CNTN5: variants seen among roughly 807,000 people sequenced by gnomAD.
CNTN5 encodes the protein contactin 5.
A neutral mutation model predicts 129.1 loss-of-function variants in CNTN5; 77 were observed. The observed-to-expected ratio is 0.60, with a 90% CI of 0.50 to 0.72. The LOEUF (loss-of-function observed/expected upper bound fraction) is 0.72. Ranked by LOEUF, CNTN5 falls within the 30% of genes least tolerant of loss-of-function variation. CNTN5 has a pLI of 0.00. For missense variants in CNTN5, 1,478 were observed against 1,328.8 expected, an observed-to-expected ratio of 1.11 and a Z score of -1.75; for synonymous variants, 509 against 465.6, an observed-to-expected ratio of 1.09 and a Z score of -1.20.
Position 100,271,083 on chromosome 11 carries a change from T to A in CNTN5, c.2165-9T>A. On this transcript the variant is annotated splice_polypyrimidine_tract_variant and intron_variant, in intron 17 of 24. Coordinates refer to ENST00000524871, the MANE Select transcript of CNTN5 (RefSeq NM_014361.4). The stretch of plus-strand genomic sequence containing the variant: ...TCATAATGACATGAAATTTCCTTCC[T>A]TTCTATAGTCCCAGAAATCATAACA... 6.3e-7 allele frequency: 1 copy of A among 1,587,852 alleles called. No homozygotes were observed. Among genetic ancestry groups the A allele is most frequent in the East Asian group, 2.2e-5 (1 of 44,534 alleles).
At chr11:99,737,421 C>T (rs1943747751) in intron 3 of CNTN5, among the ~76,000 whole-genome samples, 1 of 151,996 alleles carries the variant, frequency 6.6e-6, no homozygotes, top group Non-Finnish European at 1.5e-5. Flanking sequence ...TCTTTCTGAC[C>T]AGTGAATTAA....
At chr11:100,228,776 T>A (rs1382263146) in intron 16 of CNTN5, among the ~76,000 whole-genome samples, 1 of 152,130 alleles carries the variant, frequency 6.6e-6, no homozygotes, top group African/African-American at 2.4e-5. Context: ...TCCTCCAGTG[T>A]GAGATGCCTT....
chr11:99,314,193 T>G (rs1865238078), intron 1 of CNTN5, among the ~76,000 whole-genome samples: 1 of 151,972 alleles, frequency 6.6e-6, no homozygotes, highest in Non-Finnish European at 1.5e-5. Context: ...ATATAAAAAA[T>G]TATGCCATGT....
chr11:99,314,585 C>T (rs1591510314), intron 1 of CNTN5, among the ~76,000 whole-genome samples: 1 of 151,858 alleles, frequency 6.6e-6, no homozygotes, highest in Admixed American at 6.6e-5. Flanking sequence ...GTGAAACCAC[C>T]GGATTGAAAG....
At chr11:99,562,094 G>C (rs1948862347) in intron 3 of CNTN5, among the ~76,000 whole-genome samples, 1 of 152,144 alleles carries the variant, frequency 6.6e-6, no homozygotes, top group South Asian at 2.1e-4. Flanking sequence ...GTTTGTAAGA[G>C]TGTCTCTCTC....
chr11:99,619,261 A>G lies in CNTN5; in HGVS notation c.55+62992A>G, dbSNP rs539818432. Among the ~76,000 whole-genome samples, 29 of 152,146 alleles carry G rather than the reference A, an allele frequency of 1.9e-4. No individual in the cohort carries two copies. In the South Asian group the frequency reaches 5.6e-3, roughly 29 times the overall value. On this transcript the variant is annotated intron_variant, in intron 3 of 24. Coordinates refer to ENST00000524871, the MANE Select transcript of CNTN5 (RefSeq NM_014361.4). ...CTAAAATATTTCTAATTGGAGATCA[A>G]TAGAGCCTATATTAAATTCTAAATT...
At chr11:99,946,481 T>G (rs2136131014) in intron 7 of CNTN5, among the ~76,000 whole-genome samples, 1 of 152,190 alleles carries the variant, frequency 6.6e-6, no homozygotes, top group East Asian at 1.9e-4. Context: ...ATAGTCAATC[T>G]CTGCTGTATC....
chr11:99,116,503 C>T (rs1858051597), intron 1 of CNTN5, among the ~76,000 whole-genome samples: 1 of 152,020 alleles, frequency 6.6e-6, no homozygotes, highest in Admixed American at 6.6e-5. Flanking sequence ...TGTTGATTTC[C>T]TATTCTCAGG....
chr11:99,862,120 A>G (rs1294832166), intron 6 of CNTN5, among the ~76,000 whole-genome samples: 1 of 152,184 alleles, frequency 6.6e-6, no homozygotes, highest in East Asian at 1.9e-4. Flanking sequence ...TTAAATACAA[A>G]ACATACAAAT....
intron 1 of CNTN5, among the ~76,000 whole-genome samples, chr11:99,036,164 G>A (rs1490635682): frequency 6.6e-6 from 1 of 151,996 alleles, no homozygotes; most frequent in Non-Finnish European, 1.5e-5. Context: ...GTATCGAAAT[G>A]CCAGCTATTC....
intron 1 of CNTN5, among the ~76,000 whole-genome samples, chr11:99,262,768 A>G (rs1862702013): frequency 6.6e-6 from 1 of 151,950 alleles, no homozygotes; most frequent in South Asian, 2.1e-4. Flanking sequence ...CGTTAAATTG[A>G]ATTCTTTTAT....
At chr11:99,284,399 T>C (rs1009628127) in intron 1 of CNTN5, among the ~76,000 whole-genome samples, 5 of 152,164 alleles carry the variant, frequency 3.3e-5, no homozygotes, top group African/African-American at 1.2e-4. Flanking sequence ...TTTTCTGTTA[T>C]GCTAATTAAA....
chr11:99,629,071 C>T lies in CNTN5; in HGVS notation c.55+72802C>T, dbSNP rs938325786. ...CCTGAAATTTGCCTTACTAAATACT[C>T]ACAGAAAAAACAATAAATATGTTGG... On this transcript the variant is annotated intron_variant, in intron 3 of 24. Coordinates refer to ENST00000524871, the MANE Select transcript of CNTN5 (RefSeq NM_014361.4). 4.6e-5 allele frequency among the ~76,000 whole-genome samples: 7 copies of T among 151,894 alleles called. No individual in the cohort carries two copies. In the East Asian group the frequency reaches 1.4e-3, roughly 29 times the overall value.
At chr11:99,310,876 T>G (rs1865083678) in intron 1 of CNTN5, among the ~76,000 whole-genome samples, 1 of 152,210 alleles carries the variant, frequency 6.6e-6, no homozygotes, top group Non-Finnish European at 1.5e-5. Flanking sequence ...TCTATTAAGA[T>G]GAGCATATAC....
chr11:99,445,108 ATATT>A (rs1387670987), intron 2 of CNTN5, among the ~76,000 whole-genome samples: 1 of 148,618 alleles, frequency 6.7e-6, no homozygotes, highest in African/African-American at 2.4e-5. Flanking sequence ...TTATATATGT[ATATT>A]TATATGCATG....
chr11:99,820,679 T>G (rs573927582), intron 4 of CNTN5, among the ~76,000 whole-genome samples: 9 of 146,242 alleles, frequency 6.2e-5, no homozygotes, highest in African/African-American at 2.3e-4. Flanking sequence ...GAAGTAGATA[T>G]TGTTACTGCC....
At chr11:99,310,473 C>G (rs943076176) in intron 1 of CNTN5, among the ~76,000 whole-genome samples, 1 of 152,048 alleles carries the variant, frequency 6.6e-6, no homozygotes, top group Admixed American at 6.6e-5. Flanking sequence ...TTAATTATTA[C>G]GTTGGTAAAA....
At chr11:99,708,441 T>G (rs1954841834) in intron 3 of CNTN5, among the ~76,000 whole-genome samples, 1 of 151,756 alleles carries the variant, frequency 6.6e-6, no homozygotes, top group South Asian at 2.1e-4. Flanking sequence ...TCAGTCAACA[T>G]GAAACTGGAA....
intron 20 of CNTN5, among the ~76,000 whole-genome samples, chr11:100,303,031 C>G (rs916361851): frequency 6.6e-6 from 1 of 151,502 alleles, no homozygotes; most frequent in African/African-American, 2.4e-5. Flanking sequence ...TGCTAACACC[C>G]GTAAGCCTTT....
Sources: allele counts gnomAD v4.1 joint callset (sites outside exome capture counted in the v4.1 genomes callset), GRCh38; gene constraint gnomAD v4.1.1; transcripts MANE v1.5; gene names NCBI Gene and HGNC (gene_info 2026-07-23, HGNC 2026-07-21).